The following DDX4 variants were observed in gnomAD, a reference collection of about 807,000 sequenced individuals.
DDX4 encodes the protein probable ATP-dependent RNA helicase DDX4.
A neutral mutation model predicts 100.0 loss-of-function variants in DDX4; 25 were observed. The observed-to-expected ratio is 0.25, with a 90% CI of 0.18 to 0.35. The LOEUF is 0.35. DDX4 is among the 10% of genes least tolerant of loss of function. DDX4 has a pLI of 1.00. For synonymous variants in DDX4, 259 were observed against 275.7 expected, an observed-to-expected ratio of 0.94 and a Z score of 0.60; for missense variants, 635 against 882.4, an observed-to-expected ratio of 0.72 and a Z score of 3.55.
At position 55,813,610 on chromosome 5, in the gene DDX4, C is replaced by G. The variant is rs572675709; in HGVS notation, c.1616-63C>G. 14 of 1,475,660 alleles carry G rather than the reference C, an allele frequency of 9.5e-6. No homozygotes were observed. In the East Asian group the frequency reaches 3.4e-4, roughly 36 times the overall value. 91.4% of individuals were successfully genotyped at this position (1,475,660 alleles called of 1,614,324 possible). A position where few individuals can be genotyped will look rare whatever the true frequency, so the allele number is the denominator to read the frequency against. On this transcript the variant is annotated intron_variant, in intron 18 of 21. Transcript: ENST00000505374. Reference sequence around the variant, plus strand: ...TCATATTCAAGCACTGCCTCCTATCCCTGCTTTATTTTTCATTTCCTGATT... The same window carrying G: ...TCATATTCAAGCACTGCCTCCTATCGCTGCTTTATTTTTCATTTCCTGATT...
At chr5:55,804,497 G>T (rs554921281) in intron 18 of DDX4, among the ~76,000 whole-genome samples, 1 of 152,180 alleles carries the variant, frequency 6.6e-6, no homozygotes, top group African/African-American at 2.4e-5. Flanking sequence ...ATTGATTTTT[G>T]TATAAGGTGT....
chr5:55,743,849 C>G (rs535759157), intron 2 of DDX4, among the ~76,000 whole-genome samples: 1 of 148,762 alleles, frequency 6.7e-6, no homozygotes, highest in South Asian at 2.1e-4. Flanking sequence ...TAGCTTGAAG[C>G]TTAATAATAA....
At chr5:55,766,362 G>A (rs1740925354) in intron 6 of DDX4, among the ~76,000 whole-genome samples, 1 of 150,722 alleles carries the variant, frequency 6.6e-6, no homozygotes, top group South Asian at 2.1e-4. Context: ...AATAACTGTA[G>A]GTTTATTTTA....
At chr5:55,747,037 C>T (rs1230639113) in intron 3 of DDX4, among the ~76,000 whole-genome samples, 1 of 152,118 alleles carries the variant, frequency 6.6e-6, no homozygotes, top group Non-Finnish European at 1.5e-5. Flanking sequence ...ATCAAATGAT[C>T]ATTTGAGGTC....
At chr5:55,793,063 T>C (rs1742689878) in intron 17 of DDX4, among the ~76,000 whole-genome samples, 1 of 150,056 alleles carries the variant, frequency 6.7e-6, no homozygotes, top group South Asian at 2.1e-4. Flanking sequence ...TGTTTGTGTG[T>C]GTTGTTGTTG....
At chr5:55,765,409 AAAAAATATATAT>A (rs1257615162) in intron 6 of DDX4, among the ~76,000 whole-genome samples, 2 of 104,832 alleles carry the variant, frequency 1.9e-5, no homozygotes. Context: ...AAAAAAAAAA[AAAAAATATATAT>A]ATATATATAT....
At position 55,816,693 on chromosome 5, in the gene DDX4, A is replaced by G; in HGVS notation, c.*153A>G. The G allele has an allele frequency of 7.6e-7, 1 of 1,309,676 alleles. No homozygotes were observed. The highest frequency in any genetic ancestry group is 1.0e-6 in the Non-Finnish European group (1 of 989,222). 81.1% of individuals were successfully genotyped at this position (1,309,676 alleles called of 1,614,324 possible). On this transcript the variant is annotated 3_prime_UTR_variant, in exon 22 of 22. Transcript: ENST00000505374. ...CTTAAAAAAAAAATCCTTACTGACT[A>G]GTTATGTGAGATGCTAAAACTTACA...
At chr5:55,789,981 A>T (rs1206658763) in intron 15 of DDX4, among the ~76,000 whole-genome samples, 1 of 152,080 alleles carries the variant, frequency 6.6e-6, no homozygotes. Context: ...TTCAGTGTTT[A>T]TATCTTGCTA....
chr5:55,816,449 TAAATAA>T lies in DDX4; in HGVS notation c.2098-13_2098-8del. On this transcript the variant is annotated splice_polypyrimidine_tract_variant and splice_region_variant and intron_variant, in intron 21 of 21. Coordinates refer to ENST00000505374, the MANE Select transcript of DDX4 (RefSeq NM_024415.3). ...TTGTTTGTTTCTTTTTTTTTTTTTT[TAAATAA>T]TTACCAGGGCAAGAGCACTTTGAAC... 6.4e-7 allele frequency: 1 copy of T among 1,564,420 alleles called. No individual in the cohort carries two copies. Among genetic ancestry groups the T allele is most frequent in the South Asian group, 1.2e-5 (1 of 82,652 alleles).
Position 55,816,837 on chromosome 5 carries a change from G to A in DDX4, c.*297G>A, listed in dbSNP as rs1331805266. Reference sequence around the variant, plus strand: ...GACATGTTTAATGTTTAAATGCCAAGTCTTACTATAGTGTTTATTGATCTT... The same window carrying A: ...GACATGTTTAATGTTTAAATGCCAAATCTTACTATAGTGTTTATTGATCTT... On this transcript the variant is annotated 3_prime_UTR_variant, in exon 22 of 22. Transcript: ENST00000505374. 9.8e-6 allele frequency: 3 copies of A among 305,156 alleles called. No individual in the cohort carries two copies. The highest frequency in any genetic ancestry group is 6.5e-5 in the African/African-American group (3 of 46,144). The allele number at this position is 305,156 out of a possible 1,614,324, so 18.9% of individuals were successfully genotyped here.
At chr5:55,777,008 A>G (rs987079391) in intron 7 of DDX4, among the ~76,000 whole-genome samples, 2 of 152,206 alleles carry the variant, frequency 1.3e-5, no homozygotes, top group Non-Finnish European at 2.9e-5. Context: ...CTTAATAAGT[A>G]AAATGAAGGG....
chr5:55,798,579 A>C lies in DDX4; in HGVS notation c.1615+8A>C. 1 of 1,569,322 alleles carries C rather than the reference A, an allele frequency of 6.4e-7. No homozygotes were observed. Among genetic ancestry groups the C allele is most frequent in the Non-Finnish European group, 8.6e-7 (1 of 1,161,604 alleles). Reference sequence around the variant, plus strand: ...AAATTCTGCGAAACATAGGTATCTTACGTTGATACATTTTTTTGTCATGAT... The same window carrying C: ...AAATTCTGCGAAACATAGGTATCTTCCGTTGATACATTTTTTTGTCATGAT... On this transcript the variant is annotated splice_region_variant and intron_variant, in intron 18 of 21. Transcript: ENST00000505374.
At chr5:55,806,985 G>A (rs1294584722) in intron 18 of DDX4, among the ~76,000 whole-genome samples, 4 of 152,190 alleles carry the variant, frequency 2.6e-5, no homozygotes, top group African/African-American at 9.7e-5. Context: ...CTAAGGACTT[G>A]CTTTATGAAT....
At chr5:55,802,936 CT>C (rs151226172) in intron 18 of DDX4, among the ~76,000 whole-genome samples, 4 of 151,116 alleles carry the variant, frequency 2.6e-5, no homozygotes, top group African/African-American at 4.9e-5. Context: ...TATTTTCTTT[CT>C]TTTTTTTTAC....
rs1744426674 is a variant in DDX4, at chr5:55,816,452, ATAAT to A, written c.2098-8_2098-5del. On this transcript the variant is annotated splice_polypyrimidine_tract_variant and splice_region_variant and intron_variant, in intron 21 of 21. Coordinates refer to ENST00000505374, the MANE Select transcript of DDX4 (RefSeq NM_024415.3). Reference sequence around the variant, plus strand: ...TTTGTTTCTTTTTTTTTTTTTTTAAATAATTACCAGGGCAAGAGCACTTTGAACA... The same window carrying A: ...TTTGTTTCTTTTTTTTTTTTTTTAAATACCAGGGCAAGAGCACTTTGAACA... The A allele has an allele frequency of 9.5e-6, 15 of 1,570,980 alleles. No individual in the cohort carries two copies. Among genetic ancestry groups the A allele is most frequent in the African/African-American group, 2.8e-5 (2 of 72,072 alleles).
chr5:55,763,225 G>A lies in DDX4; in HGVS notation c.256G>A (p.Gly86Arg), dbSNP rs753089066. ...RDNTSTMGGFGVGKSFGNRGF... is the reference protein window; with the variant it reads ...RDNTSTMGGFRVGKSFGNRGF... ...TAATACATCCACAATGGGTGGTTTT[G>A]GAGTTGGAAAGAGTTTTGGAAACAG... Residue 86 changes from glycine to arginine, a missense_variant, in exon 5 of 22, where the codon GGA (glycine) becomes AGA (arginine). This residue lies in a region of DDX4 where 446 missense variants were observed against 540.8 expected (regional missense o/e 0.82). Coordinates refer to ENST00000505374, the MANE Select transcript of DDX4 (RefSeq NM_024415.3). 1.3e-5 allele frequency: 21 copies of A among 1,611,952 alleles called. No homozygotes were observed. The highest frequency in any genetic ancestry group is 1.7e-5 in the Non-Finnish European group (20 of 1,178,482).
intron 3 of DDX4, among the ~76,000 whole-genome samples, chr5:55,757,480 A>T (rs1760012310): frequency 6.6e-6 from 1 of 152,160 alleles, no homozygotes; most frequent in African/African-American, 2.4e-5. Context: ...TCCATGGTGT[A>T]TATATACACC....
At chr5:55,800,208 A>C (rs1249259574) in intron 18 of DDX4, among the ~76,000 whole-genome samples, 1 of 152,198 alleles carries the variant, frequency 6.6e-6, no homozygotes, top group African/African-American at 2.4e-5. Context: ...ATGAAGAAAC[A>C]AATATAGAGA....
chr5:55,762,604 G>T (rs1740634443), intron 4 of DDX4, among the ~76,000 whole-genome samples: 2 of 152,280 alleles, frequency 1.3e-5, no homozygotes, highest in Admixed American at 1.3e-4. Context: ...GAATTAAAAT[G>T]TTGGGTGTTT....
Sources: gnomAD v4.1 joint callset for allele counts (sites outside exome capture counted in the v4.1 genomes callset) on GRCh38, gnomAD v4.1.1 for gene constraint, gnomAD v4.1.1 regional missense constraint, MANE v1.5 for transcripts, NCBI Gene and HGNC (gene_info 2026-07-23, HGNC 2026-07-21) for gene names.